SLC4A4: variants seen among roughly 807,000 people sequenced by gnomAD.
SLC4A4 encodes the protein solute carrier family 4 member 4, also known as electrogenic sodium bicarbonate cotransporter 1.
Under a neutral mutation model 111.5 loss-of-function variants are expected in SLC4A4, and 27 were observed. The ratio of observed to expected loss-of-function variants is 0.24; its 90% CI spans 0.18 to 0.33. SLC4A4 has a LOEUF of 0.33. Ranked by LOEUF, SLC4A4 falls within the 10% of genes least tolerant of loss-of-function variation. The pLI is 1.00. For missense variants in SLC4A4, 909 were observed against 1,315.5 expected (o/e 0.69, Z 4.78); for synonymous variants, 443 against 463.4 (o/e 0.96, Z 0.57).
intron 3 of SLC4A4, among the ~76,000 whole-genome samples, chr4:71,290,446 T>C (rs1242329057): frequency 1.3e-5 from 2 of 152,108 alleles, no homozygotes; most frequent in Non-Finnish European, 2.9e-5. Context: ...AACTGAAGCA[T>C]AGAGGTCAAG....
At chr4:71,387,391 A>T (rs1718847232) in intron 6 of SLC4A4, among the ~76,000 whole-genome samples, 1 of 151,792 alleles carries the variant, frequency 6.6e-6, no homozygotes, top group African/African-American at 2.4e-5. Context: ...TTTTTTTGTG[A>T]ATCTGTCATT....
At chr4:71,417,784 T>C (rs1721953711) in intron 7 of SLC4A4, among the ~76,000 whole-genome samples, 1 of 152,216 alleles carries the variant, frequency 6.6e-6, no homozygotes, top group East Asian at 1.9e-4. Context: ...TAAAAGGCTC[T>C]GGTATTTCAG....
chr4:71,213,841 G>A (rs1718273241), intron 1 of SLC4A4, among the ~76,000 whole-genome samples: 1 of 152,150 alleles, frequency 6.6e-6, no homozygotes, highest in African/African-American at 2.4e-5. Context: ...CTGCAAGCCA[G>A]AAAGGAAGGT....
At chr4:71,401,226 A>C (rs1199135253) in intron 7 of SLC4A4, among the ~76,000 whole-genome samples, 1 of 152,220 alleles carries the variant, frequency 6.6e-6, no homozygotes, top group Non-Finnish European at 1.5e-5. Context: ...AAACAGAAGA[A>C]ACAAATCTGT....
At chr4:71,366,700 A>G (rs896247565) in intron 6 of SLC4A4, among the ~76,000 whole-genome samples, 2 of 152,184 alleles carry the variant, frequency 1.3e-5, no homozygotes, top group African/African-American at 4.8e-5. Context: ...TAGACAAGGC[A>G]TACATAATAT....
At chr4:71,311,122 T>C (rs1726111888) in intron 3 of SLC4A4, among the ~76,000 whole-genome samples, 2 of 152,050 alleles carry the variant, frequency 1.3e-5, no homozygotes, top group African/African-American at 4.8e-5. Flanking sequence ...GGTAAAGGGA[T>C]CAATGCAACA....
chr4:71,177,107 C>T (rs909671581), intron 2 of SLC4A4, among the ~76,000 whole-genome samples: 32 of 152,056 alleles, frequency 2.1e-4, no homozygotes, highest in Non-Finnish European at 5.9e-5. Flanking sequence ...GAAATAAAAT[C>T]CTTTACAGAC....
intron 6 of SLC4A4, among the ~76,000 whole-genome samples, chr4:71,368,530 T>C (rs1310812461): frequency 6.6e-6 from 1 of 152,218 alleles, no homozygotes; most frequent in Admixed American, 6.5e-5. Context: ...GTATGAAATG[T>C]TGCTTTCTCC....
intron 2 of SLC4A4, among the ~76,000 whole-genome samples, chr4:71,177,915 C>T (rs993943233): frequency 6.6e-6 from 1 of 152,128 alleles, no homozygotes; most frequent in African/African-American, 2.4e-5. Flanking sequence ...TCAAAACTGA[C>T]CACATAGTTG....
At chr4:71,421,705 T>G (rs913989820) in intron 7 of SLC4A4, among the ~76,000 whole-genome samples, 7 of 152,124 alleles carry the variant, frequency 4.6e-5, no homozygotes, top group Admixed American at 3.9e-4. Flanking sequence ...CTCAACTTCA[T>G]GGAAACTGAA....
At chr4:71,506,283 CCATTTTAA>C (rs1731410056) in intron 16 of SLC4A4, among the ~76,000 whole-genome samples, 1 of 152,088 alleles carries the variant, frequency 6.6e-6, no homozygotes, top group South Asian at 2.1e-4. Flanking sequence ...GGCAGTATGG[CCATTTTAA>C]CATTTTAACA....
At chr4:71,514,726 C>T (rs1255435877) in intron 16 of SLC4A4, among the ~76,000 whole-genome samples, 3 of 152,048 alleles carry the variant, frequency 2.0e-5, no homozygotes, top group African/African-American at 7.2e-5. Context: ...TTTTAATTGG[C>T]ATGTTTCCAG....
intron 3 of SLC4A4, among the ~76,000 whole-genome samples, chr4:71,303,441 CT>C (rs1345610328): frequency 6.6e-6 from 1 of 152,170 alleles, no homozygotes; most frequent in African/African-American, 2.4e-5. Context: ...CTTAAAGGCA[CT>C]TTTTATCTTC....
intron 21 of SLC4A4, among the ~76,000 whole-genome samples, chr4:71,557,428 T>G (rs1316685401): frequency 6.6e-6 from 1 of 151,908 alleles, no homozygotes; most frequent in Non-Finnish European, 1.5e-5. Flanking sequence ...AAAATAGAAA[T>G]TAGGAGATGA....
intron 7 of SLC4A4, among the ~76,000 whole-genome samples, chr4:71,424,544 A>G (rs1722908361): frequency 6.6e-6 from 1 of 152,096 alleles, no homozygotes; most frequent in Non-Finnish European, 1.5e-5. Flanking sequence ...ATGCACACGT[A>G]TGTTTATTGT....
intron 1 of SLC4A4, among the ~76,000 whole-genome samples, chr4:71,231,554 G>C (rs1289320031): frequency 2.6e-5 from 4 of 152,176 alleles, no homozygotes; most frequent in Non-Finnish European, 5.9e-5. Flanking sequence ...TGTAGAAAGG[G>C]TATAACTTGT....
intron 1 of SLC4A4, among the ~76,000 whole-genome samples, chr4:71,085,528 T>C (rs1488694857): frequency 1.3e-5 from 2 of 152,102 alleles, no homozygotes; most frequent in African/African-American, 4.8e-5. Flanking sequence ...CTAGGGTTTT[T>C]ATGGTTTTAG....
chr4:71,525,491 AC>A (rs913669422), intron 16 of SLC4A4, among the ~76,000 whole-genome samples: 3 of 152,092 alleles, frequency 2.0e-5, no homozygotes, highest in African/African-American at 7.2e-5. Context: ...ATTTTTAAAA[AC>A]TTTTTTCATG....
chr4:71,069,108 C>T (rs996591959), intron 1 of SLC4A4, among the ~76,000 whole-genome samples: 1 of 152,152 alleles, frequency 6.6e-6, no homozygotes, highest in Non-Finnish European at 1.5e-5. Flanking sequence ...CTTTTTCTTT[C>T]TTACTAAAGA....
Sources: allele counts gnomAD v4.1 joint callset (sites outside exome capture counted in the v4.1 genomes callset), GRCh38; gene constraint gnomAD v4.1.1; transcripts MANE v1.5; gene names NCBI Gene and HGNC (gene_info 2026-07-23, HGNC 2026-07-21).